CAMTA1: variants seen among roughly 807,000 people sequenced by gnomAD.
CAMTA1 encodes the protein calmodulin binding transcription activator 1, also known as calmodulin-binding transcription activator 1.
A neutral mutation model predicts 170.9 loss-of-function variants in CAMTA1; 27 were observed. That is an observed-to-expected ratio of 0.16 (90% CI 0.12 to 0.22). The LOEUF is 0.22. Among genes scored for constraint, CAMTA1 ranks in the 10% least tolerant of loss-of-function variants. The probability of loss-of-function intolerance (pLI) is 1.00; values close to 1 mark genes in which losing one functional copy is unlikely to be tolerated. For synonymous variants in CAMTA1, 833 were observed against 891.5 expected (o/e 0.93, Z 1.17); for missense variants, 1,619 against 2,217.2 (o/e 0.73, Z 5.42).
chr1:7,643,846 C>T (rs908335037), intron 7 of CAMTA1, among the ~76,000 whole-genome samples: 4 of 151,932 alleles, frequency 2.6e-5, no homozygotes, highest in Non-Finnish European at 5.9e-5. Flanking sequence ...CAGGAGAAGG[C>T]GCAGATGACG....
At chr1:7,237,412 G>A (rs950392767) in intron 4 of CAMTA1, among the ~76,000 whole-genome samples, 1 of 152,190 alleles carries the variant, frequency 6.6e-6, no homozygotes, top group Non-Finnish European at 1.5e-5. Context: ...CTGCACAGAT[G>A]AAATTGGTGG....
At position 6,785,544 on chromosome 1, in the gene CAMTA1, A is replaced by G; in HGVS notation, c.14A>G (p.Glu5Gly). Residue 5 changes from glutamate (E) to glycine (G), a missense_variant, in exon 1 of 23, where the codon GAG (glutamate) becomes GGG (glycine). Around this residue, in one of 8 missense-constraint regions of CAMTA1, gnomAD observed 61 missense variants for 57.7 expected, o/e 1.06. Transcript: ENST00000303635. MWRAEGKWLPKTSRK... is the reference protein window; with the variant it reads MWRAGGKWLPKTSRK... ...AGGAGGAGGAGGATGTGGCGCGCGG[A>G]GGGGAAATGGCTGCCGAAAACAAGC... The G allele has an allele frequency of 9.3e-7, 1 of 1,073,072 alleles. No homozygotes were observed. The highest frequency in any genetic ancestry group is 2.9e-5 in the South Asian group (1 of 34,714). The allele number at this position is 1,073,072 out of a possible 1,614,324, so 66.5% of individuals were successfully genotyped here.
chr1:6,798,162 A>C (rs560481778), intron 1 of CAMTA1, among the ~76,000 whole-genome samples: 1 of 151,718 alleles, frequency 6.6e-6, no homozygotes, highest in South Asian at 2.1e-4. Flanking sequence ...CGCTGGGCTA[A>C]TTTTTGTATT....
chr1:6,912,809 A>C lies in CAMTA1; in HGVS notation c.234+87599A>C, dbSNP rs148717359. On this transcript the variant is annotated intron_variant, in intron 3 of 22. Coordinates refer to ENST00000303635, the MANE Select transcript of CAMTA1 (RefSeq NM_015215.4). ...GGAGCCAGGCGTGCTGCCCGCCTCC[A>C]TGCCCGTCACTGAATCCTCCCACTA... 4.5e-3 allele frequency among the ~76,000 whole-genome samples: 687 copies of C among 152,292 alleles called. 8 individuals are homozygous for C. The highest frequency in any genetic ancestry group is 0.016 in the African/African-American group (671 of 41,584).
At chr1:6,863,215 A>G (rs1207754199) in intron 3 of CAMTA1, among the ~76,000 whole-genome samples, 1 of 152,202 alleles carries the variant, frequency 6.6e-6, no homozygotes, top group Non-Finnish European at 1.5e-5. Context: ...CAAATTTCAA[A>G]TAAACAATAC....
At chr1:7,376,673 A>T (rs2086866006) in intron 5 of CAMTA1, among the ~76,000 whole-genome samples, 1 of 152,196 alleles carries the variant, frequency 6.6e-6, no homozygotes, top group Non-Finnish European at 1.5e-5. Context: ...ACTGGAAGAG[A>T]TCAAAATTGT....
At chr1:7,568,734 TCAC>T (rs950034712) in intron 6 of CAMTA1, among the ~76,000 whole-genome samples, 23 of 148,232 alleles carry the variant, frequency 1.6e-4, no homozygotes, top group Admixed American at 4.7e-4. Flanking sequence ...AACATCAACA[TCAC>T]CATCCTCATC....
At position 7,286,240 on chromosome 1, in the gene CAMTA1, G is replaced by T. The variant is rs1345147627; in HGVS notation, c.438+36614G>T. On this transcript the variant is annotated intron_variant, in intron 5 of 22. Coordinates refer to ENST00000303635, the MANE Select transcript of CAMTA1 (RefSeq NM_015215.4). The surrounding 1 kb of genome is among the most constrained non-coding windows in gnomAD (Gnocchi z 4.2). ...TGAAGGGTGAGGAGGAGCAGGTCAG[G>T]CAGAGATGGGCATCTGGTGGAGTTG... 1.3e-5 allele frequency among the ~76,000 whole-genome samples: 2 copies of T among 152,210 alleles called. No homozygotes were observed. The highest frequency in any genetic ancestry group is 2.9e-5 in the Non-Finnish European group (2 of 68,044).
chr1:7,563,650 T>G (rs1292117564), intron 6 of CAMTA1, among the ~76,000 whole-genome samples: 1 of 152,252 alleles, frequency 6.6e-6, no homozygotes, highest in Non-Finnish European at 1.5e-5. Flanking sequence ...CACGGCCTTG[T>G]GATCTGAGTG....
At chr1:6,904,887 C>G (rs1026457330) in intron 3 of CAMTA1, among the ~76,000 whole-genome samples, 1 of 152,024 alleles carries the variant, frequency 6.6e-6, no homozygotes, top group African/African-American at 2.4e-5. Context: ...GCCGCCACAC[C>G]TGGCCTAAGC....
chr1:6,839,178 C>T (rs953144398), intron 3 of CAMTA1, among the ~76,000 whole-genome samples: 2 of 151,826 alleles, frequency 1.3e-5, no homozygotes, highest in Admixed American at 6.5e-5. Context: ...GTCGGGAGAT[C>T]GATACCATCC....
intron 6 of CAMTA1, among the ~76,000 whole-genome samples, chr1:7,537,919 G>A (rs567969250): frequency 1.3e-5 from 2 of 152,126 alleles, no homozygotes; most frequent in African/African-American, 4.8e-5. Context: ...CTCTCAAAGG[G>A]GTCTTTTCCT....
chr1:7,418,354 G>A (rs891105820), intron 5 of CAMTA1, among the ~76,000 whole-genome samples: 3 of 152,090 alleles, frequency 2.0e-5, no homozygotes, highest in Admixed American at 6.5e-5. Context: ...CACCACCAAT[G>A]TGCCTGACTA....
chr1:7,071,150 C>A (rs1638594831), intron 3 of CAMTA1, among the ~76,000 whole-genome samples: 1 of 152,170 alleles, frequency 6.6e-6, no homozygotes, highest in Non-Finnish European at 1.5e-5. Context: ...TCATCAGTGA[C>A]AAATGCACAG....
intron 6 of CAMTA1, among the ~76,000 whole-genome samples, chr1:7,484,142 C>T (rs756359448): frequency 6.6e-6 from 1 of 152,174 alleles, no homozygotes; most frequent in Non-Finnish European, 1.5e-5. Context: ...GGCCGCAGGG[C>T]CATCACCAGC....
At chr1:7,350,622 T>C (rs1359108884) in intron 5 of CAMTA1, among the ~76,000 whole-genome samples, 1 of 152,218 alleles carries the variant, frequency 6.6e-6, no homozygotes, top group Admixed American at 6.5e-5. Flanking sequence ...TCATTTTTTT[T>C]TCTTTTCACT....
At chr1:7,623,531 C>T (rs1168334834) in intron 6 of CAMTA1, among the ~76,000 whole-genome samples, 1 of 152,220 alleles carries the variant, frequency 6.6e-6, no homozygotes, top group African/African-American at 2.4e-5. Flanking sequence ...ACTAAGAAGG[C>T]ACCTCGCCCT....
chr1:7,730,454 C>T (rs930490255), intron 11 of CAMTA1, among the ~76,000 whole-genome samples: 2 of 152,224 alleles, frequency 1.3e-5, no homozygotes, highest in Admixed American at 6.5e-5. Flanking sequence ...CGAAGTGTCA[C>T]CTTTCCTGAC....
chr1:7,732,994 G>A lies in CAMTA1; in HGVS notation c.3066+395G>A, dbSNP rs551495643. Among the ~76,000 whole-genome samples, 3 of 152,134 alleles carry A rather than the reference G, an allele frequency of 2.0e-5. No homozygotes were observed. The highest frequency in any genetic ancestry group is 6.5e-5 in the Admixed American group (1 of 15,280). On this transcript the variant is annotated intron_variant, in intron 12 of 22. Coordinates refer to ENST00000303635, the MANE Select transcript of CAMTA1 (RefSeq NM_015215.4). The surrounding 1 kb of genome is among the most constrained non-coding windows in gnomAD (Gnocchi z 4.1). ...GGATTGCTTGAGCCCAGGAGTTCAC[G>A]ACCAGCCTGAGCAACATACTGAGAC...
Sources: allele counts gnomAD v4.1 joint callset (sites outside exome capture counted in the v4.1 genomes callset), GRCh38; gene constraint gnomAD v4.1.1; regional missense constraint gnomAD v4.1.1; non-coding constraint Gnocchi (gnomAD v3.1); transcripts MANE v1.5; gene names NCBI Gene and HGNC (gene_info 2026-07-23, HGNC 2026-07-21).